CMPK1: variants seen among roughly 807,000 people sequenced by gnomAD.
CMPK1 encodes cytidine/uridine monophosphate kinase 1.
In CMPK1, 10 loss-of-function variants were observed where a neutral mutation model predicts 25.7. The ratio of observed to expected loss-of-function variants is 0.39; its 90% CI spans 0.24 to 0.66. CMPK1 has a LOEUF of 0.66. Ranked by LOEUF, CMPK1 falls within the 30% of genes least tolerant of loss-of-function variation. The pLI is 0.48. For missense variants in CMPK1, 199 were observed against 280.5 expected (o/e 0.71, Z 2.08); for synonymous variants, 106 against 101.5 (o/e 1.04, Z -0.27).
intron 1 of CMPK1, among the ~76,000 whole-genome samples, chr1:47,335,867 G>A (rs1646394784): frequency 6.6e-6 from 1 of 151,542 alleles, no homozygotes; most frequent in African/African-American, 2.4e-5. Context: ...AGGTTCAAGC[G>A]ATTTTCCTGC....
chr1:47,353,203 T>C (rs1295045351), intron 1 of CMPK1, among the ~76,000 whole-genome samples: 3 of 152,270 alleles, frequency 2.0e-5, no homozygotes, highest in African/African-American at 7.2e-5. Flanking sequence ...ATCTTGCTTA[T>C]AATTTTAAAC....
chr1:47,350,854 G>A (rs1326716460), intron 1 of CMPK1, among the ~76,000 whole-genome samples: 17 of 151,312 alleles, frequency 1.1e-4, no homozygotes, highest in Admixed American at 1.1e-3. Context: ...GTTGCATTGA[G>A]CCGAGATCAC....
At chr1:47,358,299 G>A in intron 1 of CMPK1, 1 of 575,156 alleles carries the variant, frequency 1.7e-6, no homozygotes, top group Non-Finnish European at 3.0e-6. Flanking sequence ...TTTTTGTAGG[G>A]ATGACATCTT....
intron 1 of CMPK1, among the ~76,000 whole-genome samples, chr1:47,347,850 C>T (rs1646495908): frequency 2.0e-5 from 3 of 152,202 alleles, no homozygotes; most frequent in South Asian, 2.1e-4. Flanking sequence ...AGGGTGGTCT[C>T]GAGCATCTGA....
At chr1:47,370,557 C>T (rs1646671381) in intron 2 of CMPK1, among the ~76,000 whole-genome samples, 1 of 151,066 alleles carries the variant, frequency 6.6e-6, no homozygotes, top group Admixed American at 6.6e-5. Flanking sequence ...AGAAGAATCG[C>T]ATGAACCTGG....
intron 1 of CMPK1, among the ~76,000 whole-genome samples, chr1:47,353,193 A>G (rs1488957896): frequency 6.6e-6 from 1 of 152,238 alleles, no homozygotes; most frequent in Non-Finnish European, 1.5e-5. Flanking sequence ...TTTCTAGAAT[A>G]TCTTGCTTAT....
chr1:47,357,482 C>CTTTT (rs5773945), intron 1 of CMPK1, among the ~76,000 whole-genome samples: 1 of 145,192 alleles, frequency 6.9e-6, no homozygotes, highest in Non-Finnish European at 1.5e-5. Flanking sequence ...TTAATGGATT[C>CTTTT]TTTTTTTTTT....
intron 1 of CMPK1, among the ~76,000 whole-genome samples, chr1:47,348,245 A>G (rs1047529297): frequency 1.3e-5 from 2 of 152,150 alleles, no homozygotes; most frequent in Non-Finnish European, 2.9e-5. Context: ...GACAGCACAT[A>G]TATTTTGATG....
At chr1:47,336,906 T>C (rs901689888) in intron 1 of CMPK1, among the ~76,000 whole-genome samples, 1 of 152,264 alleles carries the variant, frequency 6.6e-6, no homozygotes, top group Non-Finnish European at 1.5e-5. Flanking sequence ...AAATACAGTA[T>C]GCTGTTTCTG....
At chr1:47,364,996 A>G in intron 1 of CMPK1, among the ~76,000 whole-genome samples, 1 of 152,120 alleles carries the variant, frequency 6.6e-6, no homozygotes, top group East Asian at 1.9e-4. Flanking sequence ...TCTGACCTCA[A>G]GCAATCCTCT....
intron 1 of CMPK1, among the ~76,000 whole-genome samples, chr1:47,363,866 C>A (rs1457329024): frequency 6.6e-6 from 1 of 152,126 alleles, no homozygotes; most frequent in Admixed American, 6.6e-5. Flanking sequence ...TCGCTTGAAC[C>A]TGGGAGGCAG....
In CMPK1 at chr1:47,333,999, G is replaced by T; in HGVS notation, c.54G>T (p.Leu18=). The T allele has an allele frequency of 2.6e-6, 4 of 1,543,288 alleles. No homozygotes were observed. The highest frequency in any genetic ancestry group is 3.5e-6 in the Non-Finnish European group (4 of 1,144,556). ...TCCACGTCCTGGGCCTTAGCTTCCT[G>T]CTGCAGACCCGCCGGCCGATTCTCC... ...GLLHVLGLSF[L]LQTRRPILLC... The change falls in exon 1 of 6, where the codon CTG becomes CTT. Residue 18 remains leucine (L), a synonymous_variant. Transcript: ENST00000371873.
chr1:47,333,881 C>T lies in CMPK1; in HGVS notation c.-65C>T. On this transcript the variant is annotated 5_prime_UTR_variant, in exon 1 of 6. Transcript: ENST00000371873. ...GCCCGCCCCTTTCTCCCGCCGCCTC[C>T]CCGCCCCGCCCCGCGCCGCGCCGGC... 8.8e-7 allele frequency: 1 copy of T among 1,134,944 alleles called. No individual in the cohort carries two copies. The highest frequency in any genetic ancestry group is 1.1e-6 in the Non-Finnish European group (1 of 917,088). The allele number at this position is 1,134,944 out of a possible 1,614,324, so 70.3% of individuals were successfully genotyped here. A position where few individuals can be genotyped will look rare whatever the true frequency, so the allele number is the denominator to read the frequency against.
chr1:47,337,201 T>G (rs1646405180), intron 1 of CMPK1, among the ~76,000 whole-genome samples: 1 of 152,120 alleles, frequency 6.6e-6, no homozygotes, highest in Non-Finnish European at 1.5e-5. Context: ...GAGAATGGCA[T>G]GAACCGGGGA....
intron 2 of CMPK1, 152 bp downstream of exon 2, chr1:47,368,767 C>A: frequency 1.4e-6 from 1 of 692,252 alleles, no homozygotes; most frequent in Non-Finnish European, 2.2e-6. Flanking sequence ...CAAGACCAGC[C>A]TGGACAACCT....
intron 1 of CMPK1, among the ~76,000 whole-genome samples, chr1:47,355,726 C>T (rs1193805306): frequency 7.2e-5 from 11 of 151,980 alleles, no homozygotes; most frequent in African/African-American, 2.7e-4. Context: ...CATGCCTCAG[C>T]CCCGCAAGTA....
chr1:47,353,498 A>G (rs959414987), intron 1 of CMPK1, among the ~76,000 whole-genome samples: 2 of 152,170 alleles, frequency 1.3e-5, no homozygotes, highest in African/African-American at 4.8e-5. Flanking sequence ...CAGTTCACCA[A>G]TATGTCTCCA....
At chr1:47,341,360 T>C (rs562061957) in intron 1 of CMPK1, among the ~76,000 whole-genome samples, 54 of 152,246 alleles carry the variant, frequency 3.5e-4, no homozygotes, top group Admixed American at 3.2e-3. Context: ...ATTTGTGTTT[T>C]TTTGTTTGTT....
chr1:47,351,475 TAGTC>T (rs1646522210), intron 1 of CMPK1, among the ~76,000 whole-genome samples: 1 of 152,220 alleles, frequency 6.6e-6, no homozygotes. Context: ...ACATTGTGCT[TAGTC>T]ATTCATCTGT....
Sources: allele counts gnomAD v4.1 joint callset (sites outside exome capture counted in the v4.1 genomes callset), GRCh38; gene constraint gnomAD v4.1.1; transcripts MANE v1.5; gene names NCBI Gene and HGNC (gene_info 2026-07-23, HGNC 2026-07-21).